Variants in ANKDD1A observed in about 807,000 individuals in gnomAD.
ANKDD1A encodes the protein ankyrin repeat and death domain-containing protein 1A.
A neutral mutation model predicts 63.5 loss-of-function variants in ANKDD1A; 59 were observed. The observed-to-expected ratio is 0.93, with a 90% CI of 0.75 to 1.15. The LOEUF is 1.15. Among genes scored for constraint, ANKDD1A ranks in the 50% most tolerant of loss-of-function variants. The pLI is 0.00. For synonymous variants in ANKDD1A, 266 were observed against 263.9 expected (o/e 1.01, Z -0.08); for missense variants, 632 against 656.4 (o/e 0.96, Z 0.41).
intron 14 of ANKDD1A, chr15:64,951,398 T>C (rs1428535062): frequency 2.8e-4 from 45 of 161,490 alleles, no homozygotes; most frequent in Non-Finnish European, 3.5e-4. Context: ...CTTCTTCCTC[T>C]TTTTTCTTTT....
At chr15:64,951,864 TTC>T (rs1395125621) in intron 14 of ANKDD1A, among the ~76,000 whole-genome samples, 1,799 of 17,988 alleles carry the variant, frequency 0.1, 37 homozygotes, top group African/African-American at 0.12. Flanking sequence ...CTTCTTCCTC[TTC>T]TTTTTCTTTC....
chr15:64,915,328 T>C (rs2084961088), intron 1 of ANKDD1A, among the ~76,000 whole-genome samples: 2 of 152,172 alleles, frequency 1.3e-5, no homozygotes, highest in African/African-American at 4.8e-5. Context: ...GGAGACGGAA[T>C]GTGCAGGAGT....
intron 14 of ANKDD1A, chr15:64,950,636 T>C (rs1482645075): frequency 6.1e-6 from 6 of 984,652 alleles, no homozygotes. Flanking sequence ...CTCCATTAGA[T>C]ATGAGGCAAC....
chr15:64,938,747 T>C (rs1362907585), intron 9 of ANKDD1A, among the ~76,000 whole-genome samples: 1 of 150,474 alleles, frequency 6.6e-6, no homozygotes, highest in African/African-American at 2.4e-5. Context: ...AGGTCAGAAG[T>C]TCAAGACCAG....
intron 6 of ANKDD1A, among the ~76,000 whole-genome samples, chr15:64,928,134 G>C (rs928579688): frequency 6.6e-6 from 1 of 152,204 alleles, no homozygotes; most frequent in African/African-American, 2.4e-5. Context: ...CTTAGCCAGG[G>C]CCACACAGTG....
rs1410061638 is a variant in ANKDD1A, at chr15:64,953,756, C to T, written c.1484-3347C>T. ...CCTCCTTCTTCTTTCCTCTTTTCTT[C>T]GTTCTTCTTCCTCTTCCCTCTTTTC... On this transcript the variant is annotated intron_variant, in intron 14 of 14. Coordinates refer to ENST00000319580, the MANE Select transcript of ANKDD1A (RefSeq NM_182703.6). Among the ~76,000 whole-genome samples the T allele has an allele frequency of 3.6e-3, 405 of 111,872 alleles. 11 individuals are homozygous for T. Among genetic ancestry groups the T allele is most frequent in the African/African-American group, 0.01 (336 of 33,548 alleles). The allele number at this position is 111,872 out of a possible 152,430, so 73.4% of individuals were successfully genotyped here.
intron 12 of ANKDD1A, 23 bp from the exon 13 acceptor site, chr15:64,947,381 C>A: frequency 6.2e-7 from 1 of 1,602,722 alleles, no homozygotes; most frequent in Non-Finnish European, 8.5e-7. Flanking sequence ...AGAGCTTCTG[C>A]ACTTTTGGGA....
intron 9 of ANKDD1A, among the ~76,000 whole-genome samples, chr15:64,935,572 G>C (rs528446068): frequency 3.4e-4 from 51 of 152,204 alleles, no homozygotes; most frequent in Admixed American, 8.5e-4. Context: ...CTACTCAGGA[G>C]GCTGAGGCAG....
Position 64,947,478 on chromosome 15 carries a change from T to C in ANKDD1A, c.1236T>C (p.Arg412=). 6.2e-7 allele frequency: 1 copy of C among 1,614,182 alleles called. No homozygotes were observed. The highest frequency in any genetic ancestry group is 8.5e-7 in the Non-Finnish European group (1 of 1,180,012). ...QDHRQETQQL[R]SVLWRLASRY... The stretch of plus-strand genomic sequence containing the variant: ...ATCGGCAGGAAACACAGCAGCTCCG[T>C]TCTGTGCTGTGGCGGCTGGCCTCCA... Residue 412 remains arginine, a synonymous_variant, in exon 13 of 15, where the codon CGT becomes CGC. Transcript: ENST00000319580.
At chr15:64,924,142 G>T (rs189557158) in intron 4 of ANKDD1A, among the ~76,000 whole-genome samples, 8 of 152,360 alleles carry the variant, frequency 5.3e-5, no homozygotes, top group African/African-American at 1.9e-4. Flanking sequence ...GGCCCTGGAG[G>T]GTCTCACTCA....
intron 6 of ANKDD1A, among the ~76,000 whole-genome samples, chr15:64,930,380 C>T (rs1279598371): frequency 2.0e-5 from 3 of 151,992 alleles, no homozygotes; most frequent in Non-Finnish European, 4.4e-5. Flanking sequence ...CTCAGGAGGA[C>T]AGAGGTGGGG....
chr15:64,943,412 G>T (rs1033954783), intron 10 of ANKDD1A, 72 bp from the exon 11 acceptor site: 27 of 1,217,844 alleles, frequency 2.2e-5, no homozygotes, highest in Non-Finnish European at 2.2e-5. Context: ...GGATCATTGT[G>T]CGGGCTGACT....
At chr15:64,945,912 G>A (rs539247417) in intron 12 of ANKDD1A, among the ~76,000 whole-genome samples, 5 of 151,920 alleles carry the variant, frequency 3.3e-5, no homozygotes, top group Non-Finnish European at 7.4e-5. Flanking sequence ...GATTACAGGT[G>A]TGAGCCACCA....
At chr15:64,931,765 C>T (rs1429297242) in intron 8 of ANKDD1A, 180 bp downstream of exon 8, 3 of 637,228 alleles carry the variant, frequency 4.7e-6, no homozygotes, top group Non-Finnish European at 8.2e-6. Flanking sequence ...GTTACTTAAC[C>T]TCTCTGAGCC....
chr15:64,941,704 T>C (rs1173379614), intron 9 of ANKDD1A, among the ~76,000 whole-genome samples: 2 of 152,240 alleles, frequency 1.3e-5, no homozygotes, highest in Non-Finnish European at 2.9e-5. Flanking sequence ...ATCAATTTTA[T>C]TGGCCTTGTA....
Position 64,942,518 on chromosome 15 carries a change from G to C in ANKDD1A, c.919G>C (p.Val307Leu), listed in dbSNP as rs757422426. Residue 307 changes from valine (V) to leucine (L), a missense_variant, in exon 10 of 15, where the codon GTC becomes CTC. By Grantham distance (32) the Val-to-Leu change is conservative (BLOSUM62 1). Transcript: ENST00000319580. ...TGTGAGGCACAACTTCCCTGCCTTGGTCCGGCTCCTCATCAACTCCGACAG... is the reference window on the plus strand; with the variant it reads ...TGTGAGGCACAACTTCCCTGCCTTGCTCCGGCTCCTCATCAACTCCGACAG... ...LAVRHNFPAL[V>L]RLLINSDSDV... The C allele has an allele frequency of 6.2e-7, 1 of 1,613,896 alleles. No homozygotes were observed. The highest frequency in any genetic ancestry group is 8.5e-7 in the Non-Finnish European group (1 of 1,179,958).
At chr15:64,951,629 C>T (rs2085280556) in intron 14 of ANKDD1A, among the ~76,000 whole-genome samples, 1 of 116,210 alleles carries the variant, frequency 8.6e-6, no homozygotes, top group Non-Finnish European at 1.7e-5. Flanking sequence ...TTCTTCTCTT[C>T]TTTTCTTCTT....
At chr15:64,920,613 G>A (rs1386110982) in intron 3 of ANKDD1A, among the ~76,000 whole-genome samples, 1 of 151,926 alleles carries the variant, frequency 6.6e-6, no homozygotes, top group African/African-American at 2.4e-5. Context: ...GTGCAGTGGT[G>A]CAATTTTGGC....
In ANKDD1A at chr15:64,917,348, G is replaced by T. The variant is rs1239570257; in HGVS notation, c.139-38G>T. 5 of 1,565,776 alleles carry T rather than the reference G, an allele frequency of 3.2e-6. No individual in the cohort carries two copies. The African/African-American group carries it at 5.4e-5, about 17-fold the overall frequency. ...GGGAGGTGGTCCAGGCAGCCAGGTG[G>T]CAGCAGCACCTGACAAGTGTCATCT... On this transcript the variant is annotated intron_variant, in intron 2 of 14. Transcript: ENST00000319580.
Sources: allele counts gnomAD v4.1 joint callset (sites outside exome capture counted in the v4.1 genomes callset), GRCh38; gene constraint gnomAD v4.1.1; transcripts MANE v1.5; gene names NCBI Gene and HGNC (gene_info 2026-07-23, HGNC 2026-07-21).